NHERF4: variants seen among roughly 807,000 people sequenced by gnomAD.
The protein encoded by NHERF4 is NHERF family PDZ scaffold protein 4, also known as Na(+)/H(+) exchange regulatory cofactor NHE-RF4.
chr11:119,185,593 G>A, the NHERF4 span: 3 of 1,364,158 alleles, frequency 2.2e-6, no homozygotes, highest in South Asian at 1.2e-5. Flanking sequence ...TGGGACCAGG[G>A]CACACTTGAT....
the NHERF4 span, chr11:119,186,585 G>A: frequency 6.2e-7 from 1 of 1,614,158 alleles, no homozygotes; most frequent in Non-Finnish European, 8.5e-7. This position sits in a 1 kb window ranked among gnomAD's most constrained non-coding sequence, Gnocchi z 4.4. Flanking sequence ...GGCATGTGGT[G>A]TGCAGGGTGG....
the NHERF4 span, chr11:119,187,349 C>T: frequency 6.2e-7 from 1 of 1,613,698 alleles, no homozygotes; most frequent in Non-Finnish European, 8.5e-7. Context: ...GTGGCCCGAG[C>T]TCAGCTGGGA....
the NHERF4 span, chr11:119,189,380 C>T: frequency 9.0e-6 from 14 of 1,551,240 alleles, no homozygotes; most frequent in East Asian, 3.1e-4. The surrounding 1 kb of genome is among the most constrained non-coding windows in gnomAD (Gnocchi z 5.8). Flanking sequence ...CATTTCTGGG[C>T]ATTCCAGTGC....
chr11:119,187,703 G>A, the NHERF4 span: 3 of 1,497,680 alleles, frequency 2.0e-6, no homozygotes, highest in Non-Finnish European at 2.7e-6. Context: ...CCAGGAAGGT[G>A]TGACTGCCTG....
chr11:119,186,011 C>T, the NHERF4 span: 4 of 1,613,820 alleles, frequency 2.5e-6, no homozygotes, highest in Non-Finnish European at 3.4e-6. The surrounding 1 kb of genome is among the most constrained non-coding windows in gnomAD (Gnocchi z 4.4). Flanking sequence ...CGAAGCGCTT[C>T]ACTGCCATTA....
chr11:119,188,695 G>A, the NHERF4 span: 895,961 of 1,613,870 alleles, frequency 0.56, 254,885 homozygotes, highest in East Asian at 0.86. Flanking sequence ...GCCTCGCCCC[G>A]GGGCAGCAGC....
chr11:119,188,142 C>G, the NHERF4 span: 1 of 1,538,388 alleles, frequency 6.5e-7, no homozygotes, highest in South Asian at 1.2e-5. Context: ...GACGGTCGCC[C>G]TGGTGAGTGG....
At chr11:119,185,881 AAG>A in the NHERF4 span, 177 of 1,612,310 alleles carry the variant, frequency 1.1e-4, no homozygotes, top group Non-Finnish European at 1.4e-4. Context: ...ATCTGGGGAG[AAG>A]AATGTGACTC....
At chr11:119,186,833 GA>G in the NHERF4 span, 1 of 882,200 alleles carries the variant, frequency 1.1e-6, no homozygotes, top group Non-Finnish European at 1.7e-6. The surrounding 1 kb of genome is among the most constrained non-coding windows in gnomAD (Gnocchi z 4.4). Flanking sequence ...GAGGGGTAGG[GA>G]AAGCATCTAG....
the NHERF4 span, among the ~76,000 whole-genome samples, chr11:119,187,081 G>A: frequency 6.6e-6 from 1 of 151,156 alleles, no homozygotes; most frequent in East Asian, 1.9e-4. Flanking sequence ...CGGAGGTTGC[G>A]GTGAGCTGAG....
the NHERF4 span, chr11:119,189,201 C>T: frequency 1.2e-6 from 2 of 1,606,386 alleles, no homozygotes; most frequent in Admixed American, 1.7e-5. This position sits in a 1 kb window ranked among gnomAD's most constrained non-coding sequence, Gnocchi z 5.8. Context: ...CCTGGGGCTG[C>T]AGAGGTGAGG....
At chr11:119,186,714 A>G in the NHERF4 span, 1 of 1,569,676 alleles carries the variant, frequency 6.4e-7, no homozygotes, top group Non-Finnish European at 8.7e-7. This position sits in a 1 kb window ranked among gnomAD's most constrained non-coding sequence, Gnocchi z 4.4. Flanking sequence ...CCAGGAGAGC[A>G]TGCTAGCACC....
the NHERF4 span, chr11:119,189,769 T>G: frequency 3.7e-6 from 2 of 535,810 alleles, no homozygotes; most frequent in Admixed American, 3.1e-5. The surrounding 1 kb of genome is among the most constrained non-coding windows in gnomAD (Gnocchi z 5.8). Context: ...AAGGTGTGGC[T>G]GTGGGTCTGG....
At chr11:119,185,797 C>G in the NHERF4 span, 1 of 1,250,884 alleles carries the variant, frequency 8.0e-7, no homozygotes, top group Non-Finnish European at 1.2e-6. Flanking sequence ...CCCTTTGGAG[C>G]AGAAAGGAGG....
At chr11:119,185,626 C>A in the NHERF4 span, 3 of 1,012,940 alleles carry the variant, frequency 3.0e-6, no homozygotes, top group South Asian at 1.3e-5. Flanking sequence ...AGCCCTGAGG[C>A]AGGTAAACAA....
the NHERF4 span, chr11:119,185,522 G>C: frequency 6.2e-7 from 1 of 1,613,734 alleles, no homozygotes; most frequent in Non-Finnish European, 8.5e-7. Flanking sequence ...TAGGAGGCCA[G>C]GAGAAATCCT....
the NHERF4 span, chr11:119,189,322 A>T: frequency 6.7e-7 from 1 of 1,483,910 alleles, no homozygotes; most frequent in East Asian, 2.3e-5. The surrounding 1 kb of genome is among the most constrained non-coding windows in gnomAD (Gnocchi z 5.8). Context: ...GCAGGTTGGG[A>T]CTTCAGGTCG....
At chr11:119,189,814 T>C in the NHERF4 span, 4 of 457,110 alleles carry the variant, frequency 8.8e-6, no homozygotes, top group African/African-American at 2.0e-5. The surrounding 1 kb of genome is among the most constrained non-coding windows in gnomAD (Gnocchi z 5.8). Context: ...TTTCTAGATA[T>C]GACTCCAGGA....
chr11:119,185,953 G>C, the NHERF4 span: 1 of 1,614,150 alleles, frequency 6.2e-7, no homozygotes, highest in East Asian at 2.2e-5. Context: ...CGTTAACTCT[G>C]TAAGTGCCAC....
Sources: gnomAD v4.1 joint callset for allele counts (sites outside exome capture counted in the v4.1 genomes callset) on GRCh38, gnomAD v4.1.1 for gene constraint, Gnocchi (gnomAD v3.1) non-coding constraint, MANE v1.5 for transcripts, NCBI Gene and HGNC (gene_info 2026-07-23, HGNC 2026-07-21) for gene names.